The following ASH1L variants were observed in gnomAD, a reference collection of about 807,000 sequenced individuals.
ASH1L encodes the protein histone-lysine N-methyltransferase ASH1L.
In ASH1L, 23 loss-of-function variants were observed where a neutral mutation model predicts 269.0. The ratio of observed to expected loss-of-function variants is 0.09; its 90% confidence interval spans 0.06 to 0.12. The LOEUF is 0.12. Among genes scored for constraint, ASH1L ranks in the 10% least tolerant of loss-of-function variants. The pLI is 1.00. For missense variants in ASH1L, 2,912 were observed against 3,567.8 expected (o/e 0.82, Z 4.68); for synonymous variants, 1,187 against 1,253.5 (o/e 0.95, Z 1.12).
At chr1:155,377,978 G>A (rs947730693) in intron 10 of ASH1L, among the ~76,000 whole-genome samples, 4 of 151,154 alleles carry the variant, frequency 2.6e-5, no homozygotes, top group East Asian at 2.0e-4. Context: ...AGCCGAGATC[G>A]CGCCACTGCA....
chr1:155,367,042 G>A (rs1455572825), intron 12 of ASH1L, among the ~76,000 whole-genome samples: 3 of 140,384 alleles, frequency 2.1e-5, no homozygotes, highest in Non-Finnish European at 4.5e-5. Flanking sequence ...CACACAGGCT[G>A]GAGTGCATTG....
intron 1 of ASH1L, among the ~76,000 whole-genome samples, chr1:155,558,396 A>G (rs948718996): frequency 3.3e-5 from 5 of 152,176 alleles, no homozygotes; most frequent in African/African-American, 1.2e-4. Flanking sequence ...CCTTGAACCC[A>G]GGAGGCAGAG....
At chr1:155,552,587 A>C (rs1479532724) in intron 1 of ASH1L, among the ~76,000 whole-genome samples, 2 of 152,308 alleles carry the variant, frequency 1.3e-5, no homozygotes, top group East Asian at 3.9e-4. Context: ...CAGAGCTTGC[A>C]GTGAGCCGAG....
At chr1:155,545,075 G>A (rs1450618045) in intron 1 of ASH1L, among the ~76,000 whole-genome samples, 1 of 147,336 alleles carries the variant, frequency 6.8e-6, no homozygotes, top group Non-Finnish European at 1.5e-5. Context: ...GGGAGGCTGA[G>A]GCAGGAGAAT....
At chr1:155,386,581 A>T (rs1006465658) in intron 7 of ASH1L, among the ~76,000 whole-genome samples, 2 of 149,034 alleles carry the variant, frequency 1.3e-5, no homozygotes, top group African/African-American at 5.0e-5. Context: ...TTTAGTAGAG[A>T]CGGGGTTTCA....
At chr1:155,354,687 C>A in intron 15 of ASH1L, 57 bp from the exon 16 acceptor site, 3 of 1,529,072 alleles carry the variant, frequency 2.0e-6, no homozygotes, top group Non-Finnish European at 2.7e-6. Context: ...GCATGTATTA[C>A]ATGTCTACTC....
chr1:155,370,219 T>A, intron 12 of ASH1L: 1 of 418,160 alleles, frequency 2.4e-6, no homozygotes, highest in Middle Eastern at 6.8e-4. Context: ...ATCATCATTA[T>A]TATATTTTTC....
intron 1 of ASH1L, among the ~76,000 whole-genome samples, chr1:155,543,762 T>A (rs1670607437): frequency 6.6e-6 from 1 of 151,520 alleles, no homozygotes. Context: ...TGAGACCCCA[T>A]CTCTACAAAA....
At chr1:155,395,311 C>T in intron 7 of ASH1L, 148 bp downstream of exon 7, 1 of 581,880 alleles carries the variant, frequency 1.7e-6, no homozygotes, top group Admixed American at 3.6e-5. Flanking sequence ...GTATAAAATT[C>T]TTCAGAGTAA....
intron 6 of ASH1L, among the ~76,000 whole-genome samples, chr1:155,405,633 C>G (rs556661988): frequency 6.6e-6 from 1 of 152,028 alleles, no homozygotes; most frequent in Non-Finnish European, 1.5e-5. Context: ...AGTTCAAGAT[C>G]AGCTTGACCA....
At chr1:155,431,555 G>A (rs2148595643) in intron 5 of ASH1L, among the ~76,000 whole-genome samples, 1 of 152,148 alleles carries the variant, frequency 6.6e-6, no homozygotes, top group Admixed American at 6.5e-5. Context: ...GAGTGCAGGA[G>A]TTCAAAACCA....
chr1:155,521,480 C>T lies in ASH1L; in HGVS notation c.40G>A (p.Asp14Asn), dbSNP rs1321580908. The T allele has an allele frequency of 1.9e-6, 3 of 1,613,986 alleles. No homozygotes were observed. In the South Asian group the frequency reaches 3.3e-5, roughly 18 times the overall value. Residue 14 changes from aspartate to asparagine, a missense_variant, in exon 2 of 28, where the codon GAT becomes AAT. This residue lies in a region of ASH1L where 115 missense variants were observed against 101.5 expected (regional missense o/e 1.13). Coordinates refer to ENST00000392403, the MANE Select transcript of ASH1L (RefSeq NM_018489.3). ...CTCTTTCTTGAAAAACCTTCGGAAT[C>T]AGAACCCAATCCTAACATAGCAGTA... ...RNTAMLGLGS[D>N]SEGFSRKSPS...
rs1658486755 is a variant in ASH1L at position 155,397,756 on chromosome 1, T to C, written c.6009-2203A>G. Reference sequence around the variant, plus strand: ...TTTGTATTTTTAGTAGAGACAGGGTTTTATCACATTGGCCAGGCTGGTCTT... The same window carrying C: ...TTTGTATTTTTAGTAGAGACAGGGTCTTATCACATTGGCCAGGCTGGTCTT... On this transcript the variant is annotated intron_variant, in intron 6 of 27. Transcript: ENST00000392403. Among the ~76,000 whole-genome samples, 3 of 152,152 alleles carry C rather than the reference T, an allele frequency of 2.0e-5. No homozygotes were observed. In the South Asian group the frequency reaches 6.2e-4, roughly 32 times the overall value.
chr1:155,495,519 A>G (rs764639769), intron 2 of ASH1L, among the ~76,000 whole-genome samples: 1 of 152,200 alleles, frequency 6.6e-6, no homozygotes, highest in Non-Finnish European at 1.5e-5. Flanking sequence ...TATAGAAAAT[A>G]TAAGTACACC....
At chr1:155,351,301 G>C (rs1201329482) in intron 17 of ASH1L, among the ~76,000 whole-genome samples, 1 of 150,382 alleles carries the variant, frequency 6.6e-6, no homozygotes, top group African/African-American at 2.5e-5. Flanking sequence ...TGTAATCCCA[G>C]CACTTTGGGA....
chr1:155,557,367 A>T (rs1671669761), intron 1 of ASH1L, among the ~76,000 whole-genome samples: 1 of 151,820 alleles, frequency 6.6e-6, no homozygotes. Flanking sequence ...GGTTCACACC[A>T]TTCTCCTGCC....
At chr1:155,542,681 ATTT>A (rs139373080) in intron 1 of ASH1L, among the ~76,000 whole-genome samples, 3 of 127,328 alleles carry the variant, frequency 2.4e-5, no homozygotes, top group Non-Finnish European at 3.5e-5. Flanking sequence ...TAATTAATTA[ATTT>A]TTTTTTTTTT....
chr1:155,490,899 T>C (rs1037843323), intron 2 of ASH1L, among the ~76,000 whole-genome samples: 1 of 132,932 alleles, frequency 7.5e-6, no homozygotes, highest in Non-Finnish European at 1.6e-5. Flanking sequence ...AGGTCAAGGC[T>C]GCAGTGAGCC....
rs191787551 is a variant in ASH1L, at chr1:155,466,332, C to T, written c.4985-6434G>A. Among the ~76,000 whole-genome samples the T allele has an allele frequency of 5.3e-5, 8 of 151,918 alleles. No homozygotes were observed. The East Asian group carries it at 7.7e-4, about 15-fold the overall frequency. On this transcript the variant is annotated intron_variant, in intron 3 of 27. Transcript: ENST00000392403. ...TAGCACCACTGTACTCCAGCCTGGG[C>T]GACAGAGTGAGACCCCGTCTCAAAA...
Sources: gnomAD v4.1 joint callset for allele counts (sites outside exome capture counted in the v4.1 genomes callset) on GRCh38, gnomAD v4.1.1 for gene constraint, gnomAD v4.1.1 regional missense constraint, MANE v1.5 for transcripts, NCBI Gene and HGNC (gene_info 2026-07-23, HGNC 2026-07-21) for gene names.